The following PPP1R14C variants were observed in gnomAD, a reference collection of about 807,000 sequenced individuals.
PPP1R14C encodes the protein protein phosphatase 1 regulatory subunit 14C.
A neutral mutation model predicts 20.4 loss-of-function variants in PPP1R14C; 16 were observed. The observed-to-expected ratio is 0.78, with a 90% CI of 0.53 to 1.19. The LOEUF is 1.19. Ranked by LOEUF, PPP1R14C falls within the 50% of genes most tolerant of loss-of-function variation. The probability of loss-of-function intolerance (pLI) is 0.00; values close to 1 mark genes in which losing one functional copy is unlikely to be tolerated. For missense variants in PPP1R14C, 211 were observed against 220.1 expected (o/e 0.96, Z 0.26); for synonymous variants, 91 against 91.0 (o/e 1.00, Z 0.00).
intron 1 of PPP1R14C, among the ~76,000 whole-genome samples, chr6:150,182,432 G>T (rs1449892236): frequency 6.6e-6 from 1 of 152,224 alleles, no homozygotes; most frequent in Non-Finnish European, 1.5e-5. Flanking sequence ...CTGGTTTGCA[G>T]ATGGCTGTCA....
chr6:150,211,482 C>G (rs952194618), intron 1 of PPP1R14C, among the ~76,000 whole-genome samples: 3 of 152,172 alleles, frequency 2.0e-5, no homozygotes, highest in African/African-American at 7.2e-5. Flanking sequence ...AATGCCCAAA[C>G]ACAACTAAGC....
Position 150,248,961 on chromosome 6 carries a change from G to T in PPP1R14C, c.*141G>T. The T allele has an allele frequency of 3.9e-6, 2 of 510,114 alleles. No individual in the cohort carries two copies. Among genetic ancestry groups the T allele is most frequent in the Non-Finnish European group, 6.9e-6 (2 of 290,962 alleles). The allele number at this position is 510,114 out of a possible 1,614,324, so 31.6% of individuals were successfully genotyped here. A position where few individuals can be genotyped will look rare whatever the true frequency, so the allele number is the denominator to read the frequency against. Reference sequence around the variant, plus strand: ...TTTTTCTTTTTTGGTGTGAAGGTGGGGGGGTCTATTAGACATTTATTCAAG... The same window carrying T: ...TTTTTCTTTTTTGGTGTGAAGGTGGTGGGGTCTATTAGACATTTATTCAAG... On this transcript the variant is annotated 3_prime_UTR_variant, in exon 4 of 4. Coordinates refer to ENST00000361131, the MANE Select transcript of PPP1R14C (RefSeq NM_030949.3).
At chr6:150,167,212 A>G (rs980555518) in intron 1 of PPP1R14C, among the ~76,000 whole-genome samples, 1 of 152,054 alleles carries the variant, frequency 6.6e-6, no homozygotes, top group African/African-American at 2.4e-5. Flanking sequence ...CTAAAAATAC[A>G]AAAAAATTAG....
chr6:150,216,681 T>A, intron 2 of PPP1R14C, 143 bp from the exon 3 acceptor site: 1 of 621,930 alleles, frequency 1.6e-6, no homozygotes, highest in Non-Finnish European at 2.8e-6. Context: ...GGTGCTGAAA[T>A]GAAGTGCGTT....
At chr6:150,226,255 C>T (rs1200136423) in intron 3 of PPP1R14C, among the ~76,000 whole-genome samples, 1 of 152,110 alleles carries the variant, frequency 6.6e-6, no homozygotes, top group Non-Finnish European at 1.5e-5. Context: ...CATTTTTTTC[C>T]TTAAGTAAAT....
chr6:150,190,917 C>T (rs570128141), intron 1 of PPP1R14C, among the ~76,000 whole-genome samples: 6 of 152,244 alleles, frequency 3.9e-5, no homozygotes, highest in South Asian at 2.1e-4. Flanking sequence ...AGAGTGATCC[C>T]GTTAATATAA....
intron 3 of PPP1R14C, among the ~76,000 whole-genome samples, chr6:150,248,128 C>A (rs1024193399): frequency 6.6e-6 from 1 of 152,122 alleles, no homozygotes; most frequent in African/African-American, 2.4e-5. Context: ...TCTTGGGGGC[C>A]CTACTCTGAT....
At chr6:150,194,983 AT>A (rs1166953882) in intron 1 of PPP1R14C, 2 of 985,078 alleles carry the variant, frequency 2.0e-6, no homozygotes, top group South Asian at 9.4e-5. Flanking sequence ...TAAAAAGAAT[AT>A]GTGTCTGCTT....
chr6:150,157,288 G>A (rs562017238), intron 1 of PPP1R14C, among the ~76,000 whole-genome samples: 3 of 152,316 alleles, frequency 2.0e-5, no homozygotes, highest in African/African-American at 7.2e-5. Flanking sequence ...GGGGTGGAGT[G>A]GGTGTGGACC....
chr6:150,167,991 T>TTTC (rs1562259804), intron 1 of PPP1R14C, among the ~76,000 whole-genome samples: 2 of 79,960 alleles, frequency 2.5e-5, no homozygotes, highest in African/African-American at 1.1e-4. Context: ...TCCTCCCCTC[T>TTTC]TCCTCTCCCC....
At chr6:150,167,973 T>TCCTCCCCCTTTCTCC (rs1777446032) in intron 1 of PPP1R14C, among the ~76,000 whole-genome samples, 5 of 28,152 alleles carry the variant, frequency 1.8e-4, no homozygotes, top group Admixed American at 2.9e-4. Flanking sequence ...CCTCTTTCTC[T>TCCTCCCCCTTTCTCC]CCTTCTCTCC....
At position 150,219,867 on chromosome 6, in the gene PPP1R14C, T is replaced by TGTC. The variant is rs528883613; in HGVS notation, c.423+3013_423+3014insCGT. Among the ~76,000 whole-genome samples, 267 of 152,182 alleles carry TGTC rather than the reference T, an allele frequency of 1.8e-3. 1 individual carries two copies. Among genetic ancestry groups the TGTC allele is most frequent in the Middle Eastern group, 6.8e-3 (2 of 294 alleles). Reference sequence around the variant, plus strand: ...GTATAAGAACGGCTTGTTTTTTTGTTGTTTTTGAACAGAGTCTTGCTCTGT... The same window carrying TGTC: ...GTATAAGAACGGCTTGTTTTTTTGTTGTCGTTTTTGAACAGAGTCTTGCTCTGT... On this transcript the variant is annotated intron_variant, in intron 3 of 3. Coordinates refer to ENST00000361131, the MANE Select transcript of PPP1R14C (RefSeq NM_030949.3).
intron 1 of PPP1R14C, among the ~76,000 whole-genome samples, chr6:150,144,946 T>C (rs890357500): frequency 6.6e-6 from 1 of 152,240 alleles, no homozygotes; most frequent in Non-Finnish European, 1.5e-5. Flanking sequence ...TGAGTGGATG[T>C]GCTCAGTCCT....
chr6:150,182,963 G>A (rs1777638516), intron 1 of PPP1R14C, among the ~76,000 whole-genome samples: 1 of 151,870 alleles, frequency 6.6e-6, no homozygotes, highest in African/African-American at 2.4e-5. Context: ...AGAAGCAATT[G>A]TATATCTAAA....
At chr6:150,207,832 G>A (rs1026059938) in intron 1 of PPP1R14C, among the ~76,000 whole-genome samples, 3 of 152,074 alleles carry the variant, frequency 2.0e-5, no homozygotes, top group African/African-American at 4.8e-5. Flanking sequence ...CTTCCCAATG[G>A]AAGCCAAGAG....
chr6:150,186,026 C>G (rs1048077394), intron 1 of PPP1R14C, among the ~76,000 whole-genome samples: 5 of 152,130 alleles, frequency 3.3e-5, no homozygotes, highest in African/African-American at 1.2e-4. Context: ...CCAGCCCTAC[C>G]CTGTCGCTGG....
In PPP1R14C at chr6:150,168,517, AGC is replaced by A. The variant is rs200439734; in HGVS notation, c.306+25021_306+25022del. On this transcript the variant is annotated intron_variant, in intron 1 of 3. Coordinates refer to ENST00000361131, the MANE Select transcript of PPP1R14C (RefSeq NM_030949.3). ...CACTACACTCCAGCCTGGGCGAAAGAGCGAGACTCCCGTCTCAACAAAACAAA... is the reference window on the plus strand; with the variant it reads ...CACTACACTCCAGCCTGGGCGAAAGAGAGACTCCCGTCTCAACAAAACAAA... Among the ~76,000 whole-genome samples the A allele has an allele frequency of 6.0e-3, 879 of 145,576 alleles. 24 individuals carry two copies. The highest frequency in any genetic ancestry group is 0.05 in the Admixed American group (736 of 14,728).
chr6:150,194,218 C>T (rs779962862), intron 1 of PPP1R14C, among the ~76,000 whole-genome samples: 6 of 152,190 alleles, frequency 3.9e-5, no homozygotes, highest in Non-Finnish European at 8.8e-5. Context: ...TTACCAGCAG[C>T]GTGAGAACAG....
intron 3 of PPP1R14C, among the ~76,000 whole-genome samples, chr6:150,227,224 G>A (rs1778240932): frequency 6.6e-6 from 1 of 152,194 alleles, no homozygotes; most frequent in South Asian, 2.1e-4. Context: ...AAGAGACACA[G>A]CTTGGTGTTT....
Sources: gnomAD v4.1 joint callset for allele counts (sites outside exome capture counted in the v4.1 genomes callset) on GRCh38, gnomAD v4.1.1 for gene constraint, MANE v1.5 for transcripts, NCBI Gene and HGNC (gene_info 2026-07-23, HGNC 2026-07-21) for gene names.